RABEP1: variants seen among roughly 807,000 people sequenced by gnomAD.
The protein encoded by RABEP1 is rabaptin, RAB GTPase binding effector protein 1, also known as rab GTPase-binding effector protein 1.
Under a neutral mutation model 123.4 loss-of-function variants are expected in RABEP1, and 51 were observed. The ratio of observed to expected loss-of-function variants is 0.41; its 90% CI spans 0.33 to 0.52. The LOEUF is 0.52. RABEP1 is among the 20% of genes least tolerant of loss of function. The pLI is 0.16. For missense variants in RABEP1, 888 were observed against 996.3 expected (o/e 0.89, Z 1.46); for synonymous variants, 347 against 355.2 (o/e 0.98, Z 0.26).
intron 5 of RABEP1, among the ~76,000 whole-genome samples, chr17:5,344,778 A>C (rs1442084798): frequency 6.7e-6 from 1 of 149,698 alleles, no homozygotes; most frequent in Non-Finnish European, 1.5e-5. Context: ...TCTCAAAAAA[A>C]AAAAAAAAAA....
rs370313506 is a variant in RABEP1 at position 5,291,406 on chromosome 17, C to T, written c.34+8886C>T. On this transcript the variant is annotated intron_variant, in intron 1 of 17. Coordinates refer to ENST00000537505, the MANE Select transcript of RABEP1 (RefSeq NM_004703.6). ...CAGCCCGGGCGACAGTGCGAGACTCCGTTTAAAAAAAAGAAAACTAGACTT... is the reference window on the plus strand; with the variant it reads ...CAGCCCGGGCGACAGTGCGAGACTCTGTTTAAAAAAAAGAAAACTAGACTT... 3.6e-4 allele frequency among the ~76,000 whole-genome samples: 55 copies of T among 151,570 alleles called. 2 individuals are homozygous for T. The South Asian group carries it at 8.1e-3, about 22-fold the overall frequency.
intron 1 of RABEP1, among the ~76,000 whole-genome samples, chr17:5,289,394 G>A (rs1264401129): frequency 2.7e-5 from 4 of 147,788 alleles, no homozygotes; most frequent in African/African-American, 9.9e-5. Context: ...TATGCAGAAA[G>A]CTTTAATTTT....
intron 1 of RABEP1, among the ~76,000 whole-genome samples, chr17:5,289,108 T>C (rs1371581167): frequency 6.6e-6 from 1 of 152,094 alleles, no homozygotes; most frequent in Non-Finnish European, 1.5e-5. Flanking sequence ...TCATCCATTT[T>C]TTTCTTTCTT....
chr17:5,320,421 CAA>C (rs60202531), intron 2 of RABEP1, among the ~76,000 whole-genome samples: 29 of 84,644 alleles, frequency 3.4e-4, no homozygotes, highest in African/African-American at 1.1e-3. Context: ...GCTAACACAC[CAA>C]AAAAAAAAAA....
chr17:5,385,652 G>A lies in RABEP1; in HGVS notation c.*2429G>A, dbSNP rs1253348495. 13 of 231,474 alleles carry A rather than the reference G, an allele frequency of 5.6e-5. No individual in the cohort carries two copies. The highest frequency in any genetic ancestry group is 9.4e-5 in the Non-Finnish European group (11 of 117,088). The allele number at this position is 231,474 out of a possible 1,614,324, so 14.3% of individuals were successfully genotyped here. ...AGCACAGCCTCACTCAGCTCTGAAA[G>A]GTAATACAGCTTGTGAGGAAGTGAG... On this transcript the variant is annotated 3_prime_UTR_variant, in exon 18 of 18. Coordinates refer to ENST00000537505, the MANE Select transcript of RABEP1 (RefSeq NM_004703.6).
At position 5,374,784 on chromosome 17, in the gene RABEP1, G is replaced by A. The variant is rs192784472; in HGVS notation, c.2025+1330G>A. Among the ~76,000 whole-genome samples the A allele has an allele frequency of 1.1e-3, 175 of 152,224 alleles. 1 individual carries two copies. Among genetic ancestry groups the A allele is most frequent in the Non-Finnish European group, 1.6e-3 (112 of 68,016 alleles). On this transcript the variant is annotated intron_variant, in intron 13 of 17. Coordinates refer to ENST00000537505, the MANE Select transcript of RABEP1 (RefSeq NM_004703.6). ...CTTCCTGAGTACTGGGACAACAGGC[G>A]CGTGCCACTGTGCCTGGCAAATTTT...
In RABEP1 at chr17:5,350,637, G is replaced by C; in HGVS notation, c.963+8G>C. The C allele has an allele frequency of 6.2e-7, 1 of 1,613,474 alleles. No homozygotes were observed. Among genetic ancestry groups the C allele is most frequent in the South Asian group, 1.1e-5 (1 of 90,938 alleles). ...CTGAAGAAGAAAGATCAGGTGAATAGAAGTTTTTAGGACTGATTTGCTTTG... is the reference window on the plus strand; with the variant it reads ...CTGAAGAAGAAAGATCAGGTGAATACAAGTTTTTAGGACTGATTTGCTTTG... On this transcript the variant is annotated splice_region_variant and intron_variant, in intron 7 of 17. Transcript: ENST00000537505.
At chr17:5,285,297 C>A (rs1410945568) in intron 1 of RABEP1, among the ~76,000 whole-genome samples, 1 of 139,734 alleles carries the variant, frequency 7.2e-6, no homozygotes, top group East Asian at 2.0e-4. Context: ...CACTTTTTTT[C>A]TTTTTTTTTT....
chr17:5,353,644 TTGAGACCAGCCAGGACAACAGCG>T (rs1438500339), intron 7 of RABEP1, among the ~76,000 whole-genome samples: 2 of 151,954 alleles, frequency 1.3e-5, no homozygotes, highest in African/African-American at 4.8e-5. Flanking sequence ...GCCTGGGAGT[TTGAGACCAGCCAGGACAACAGCG>T]TGAGACCCCA....
chr17:5,366,861 G>A (rs961713736), intron 11 of RABEP1, among the ~76,000 whole-genome samples: 17 of 151,660 alleles, frequency 1.1e-4, no homozygotes, highest in Non-Finnish European at 2.1e-4. Context: ...AGGCCGAGGC[G>A]GGCAGATTAC....
chr17:5,282,612 G>A, intron 1 of RABEP1, 92 bp downstream of exon 1: 3 of 894,184 alleles, frequency 3.4e-6, no homozygotes, highest in Non-Finnish European at 4.2e-6. Flanking sequence ...GGCGGCAAGG[G>A]CGCGCGCAGG....
intron 8 of RABEP1, among the ~76,000 whole-genome samples, chr17:5,355,541 C>T (rs1180744623): frequency 1.3e-5 from 2 of 152,214 alleles, no homozygotes; most frequent in Non-Finnish European, 2.9e-5. Flanking sequence ...TGTTCATGCT[C>T]ATGTGGCCTG....
chr17:5,291,302 T>A (rs935763428), intron 1 of RABEP1, among the ~76,000 whole-genome samples: 3 of 151,948 alleles, frequency 2.0e-5, no homozygotes, highest in Non-Finnish European at 2.9e-5. Flanking sequence ...CCCAGCTACT[T>A]GGGAGGCTGA....
At chr17:5,318,000 C>T (rs963793590) in intron 2 of RABEP1, among the ~76,000 whole-genome samples, 4 of 152,172 alleles carry the variant, frequency 2.6e-5, no homozygotes, top group African/African-American at 7.2e-5. Context: ...CGTAGAAGCT[C>T]CATGCTCCTT....
At chr17:5,292,235 T>C (rs1255684698) in intron 1 of RABEP1, among the ~76,000 whole-genome samples, 1 of 152,258 alleles carries the variant, frequency 6.6e-6, no homozygotes, top group Non-Finnish European at 1.5e-5. Context: ...AAAAATGGTA[T>C]CTGACTGATT....
At chr17:5,355,496 T>C (rs552798856) in intron 8 of RABEP1, among the ~76,000 whole-genome samples, 1 of 152,270 alleles carries the variant, frequency 6.6e-6, no homozygotes, top group Non-Finnish European at 1.5e-5. Context: ...CACTTACTGC[T>C]CTCCACCTCT....
chr17:5,312,280 C>T (rs2075251325), intron 2 of RABEP1, among the ~76,000 whole-genome samples: 1 of 152,164 alleles, frequency 6.6e-6, no homozygotes, highest in Non-Finnish European at 1.5e-5. Flanking sequence ...TCCCGAGTAG[C>T]AGGGATTACA....
At chr17:5,377,417 T>C (rs1911082528) in intron 14 of RABEP1, 112 bp downstream of exon 14, 2 of 631,866 alleles carry the variant, frequency 3.2e-6, no homozygotes, top group Admixed American at 3.9e-5. Flanking sequence ...GGAAAGAATT[T>C]AGTAAGGACT....
At chr17:5,311,169 C>T (rs570092515) in intron 2 of RABEP1, among the ~76,000 whole-genome samples, 2 of 152,086 alleles carry the variant, frequency 1.3e-5, no homozygotes, top group African/African-American at 2.4e-5. Context: ...TGGCTTCCCC[C>T]CTCAGAGACG....
Sources: allele counts gnomAD v4.1 joint callset (sites outside exome capture counted in the v4.1 genomes callset), GRCh38; gene constraint gnomAD v4.1.1; transcripts MANE v1.5; gene names NCBI Gene and HGNC (gene_info 2026-07-23, HGNC 2026-07-21).